GTF3C1: variants seen among roughly 807,000 people sequenced by gnomAD.
GTF3C1 encodes the protein general transcription factor IIIC subunit 1, also known as general transcription factor 3C polypeptide 1.
GTF3C1 carries 57 observed loss-of-function variants against 226.7 expected under a neutral mutation model. The observed-to-expected ratio is 0.25, with a 90% CI of 0.20 to 0.31. The LOEUF (loss-of-function observed/expected upper bound fraction) is 0.31. Ranked by LOEUF, GTF3C1 falls within the 10% of genes least tolerant of loss-of-function variation. The probability of loss-of-function intolerance (pLI) is 1.00; values close to 1 mark genes in which losing one functional copy is unlikely to be tolerated. For missense variants in GTF3C1, 2,217 were observed against 2,776.1 expected, an observed-to-expected ratio of 0.80 and a Z score of 4.53; for synonymous variants, 1,090 against 1,084.8, an observed-to-expected ratio of 1.00 and a Z score of -0.09.
chr16:27,533,633 A>G (rs570617446), intron 4 of GTF3C1, among the ~76,000 whole-genome samples: 1 of 152,336 alleles, frequency 6.6e-6, no homozygotes, highest in East Asian at 1.9e-4. Flanking sequence ...ACTAGACTCT[A>G]GCACTAAAAC....
chr16:27,466,112 G>GA (rs2087783199), intron 32 of GTF3C1: 1 of 156,592 alleles, frequency 6.4e-6, no homozygotes, highest in African/African-American at 2.4e-5. Context: ...CTGTGGTTAT[G>GA]AAATGTACAG....
chr16:27,532,517 A>G (rs774494460), intron 5 of GTF3C1, among the ~76,000 whole-genome samples: 2 of 152,126 alleles, frequency 1.3e-5, no homozygotes, highest in Non-Finnish European at 2.9e-5. Flanking sequence ...GAAACCTTCC[A>G]GTCAGATTGG....
intron 2 of GTF3C1, among the ~76,000 whole-genome samples, chr16:27,539,004 C>CTTT (rs899984965): frequency 3.8e-5 from 4 of 103,912 alleles, no homozygotes; most frequent in East Asian, 3.1e-4. Context: ...ACACACTCAT[C>CTTT]TTTTTTTTTT....
chr16:27,509,614 C>T (rs1266231655), intron 7 of GTF3C1, among the ~76,000 whole-genome samples: 6 of 151,608 alleles, frequency 4.0e-5, no homozygotes, highest in African/African-American at 7.3e-5. Flanking sequence ...AAAAATTAGC[C>T]GGGTGTGGTG....
intron 29 of GTF3C1, among the ~76,000 whole-genome samples, chr16:27,472,968 G>A (rs946639631): frequency 6.6e-6 from 1 of 152,140 alleles, no homozygotes; most frequent in Non-Finnish European, 1.5e-5. Flanking sequence ...CCAGGCTGGA[G>A]TACAGTGACA....
chr16:27,534,775 TTCTC>T (rs1177404515), intron 4 of GTF3C1, among the ~76,000 whole-genome samples: 2 of 152,222 alleles, frequency 1.3e-5, no homozygotes, highest in African/African-American at 2.4e-5. Flanking sequence ...TAAAAGATGC[TTCTC>T]TCTAATACTG....
At position 27,483,125 on chromosome 16, in the gene GTF3C1, T is replaced by A; in HGVS notation, c.4002A>T (p.Lys1334Asn). Reference sequence around the variant, plus strand: ...CCTGGTACACCTCGGCCAGGCACACTCTGCAGGAAGAGGAGACAAAGCTGA... The same window carrying A: ...CCTGGTACACCTCGGCCAGGCACACACTGCAGGAAGAGGAGACAAAGCTGA... Reference protein sequence around the residue: ...VKNPQAYLNYKVCLAEVYQDK... With the variant: ...VKNPQAYLNYNVCLAEVYQDK... Residue 1334 changes from lysine (K) to asparagine (N), a missense_variant and splice_region_variant, in exon 26 of 37, where the codon AAA becomes AAT. Lys to Asn is a moderately conservative substitution (Grantham distance 94, BLOSUM62 0). Around this residue, in one of 12 missense-constraint regions of GTF3C1, gnomAD observed 546 missense variants for 663.0 expected, o/e 0.82. Coordinates refer to ENST00000356183, the MANE Select transcript of GTF3C1 (RefSeq NM_001520.4). 1 of 1,614,050 alleles carries A rather than the reference T, an allele frequency of 6.2e-7. No individual in the cohort carries two copies. The highest frequency in any genetic ancestry group is 8.5e-7 in the Non-Finnish European group (1 of 1,179,896).
rs1314115174 is a variant in GTF3C1, at chr16:27,489,115, G to C, written c.3357C>G (p.Leu1119=). 1 of 1,613,798 alleles carries C rather than the reference G, an allele frequency of 6.2e-7. No homozygotes were observed. Among genetic ancestry groups the C allele is most frequent in the East Asian group, 2.2e-5 (1 of 44,878 alleles). Residue 1119 remains leucine (L), a synonymous_variant, in exon 21 of 37, where the codon CTC becomes CTG. Coordinates refer to ENST00000356183, the MANE Select transcript of GTF3C1 (RefSeq NM_001520.4). ...IPGDGLGAAG[L]DSSFYGHLKR... The stretch of plus-strand genomic sequence containing the variant: ...TGAGGTGTCCGTAGAAGCTGGAATC[G>C]AGCCCTGCGGCACCCAGCCCATCTC...
intron 12 of GTF3C1, among the ~76,000 whole-genome samples, chr16:27,499,080 C>G (rs951410795): frequency 1.8e-4 from 27 of 152,186 alleles, no homozygotes; most frequent in South Asian, 1.0e-3. Context: ...CTCCGTGCCC[C>G]CTTCCCACTA....
At chr16:27,539,004 C>CTT (rs899984965) in intron 2 of GTF3C1, among the ~76,000 whole-genome samples, 35 of 103,876 alleles carry the variant, frequency 3.4e-4, no homozygotes, top group African/African-American at 8.2e-4. Flanking sequence ...ACACACTCAT[C>CTT]TTTTTTTTTT....
At chr16:27,479,613 C>A (rs2088007799) in intron 27 of GTF3C1, among the ~76,000 whole-genome samples, 1 of 152,134 alleles carries the variant, frequency 6.6e-6, no homozygotes, top group African/African-American at 2.4e-5. Context: ...GGATTACAGG[C>A]ACGTGCCACC....
chr16:27,546,835 C>T (rs147259712), intron 1 of GTF3C1, among the ~76,000 whole-genome samples: 1,650 of 152,046 alleles, frequency 0.011, 46 homozygotes, highest in African/African-American at 0.037. Flanking sequence ...GGCGCAATCT[C>T]GGCTCACTGC....
Position 27,462,636 on chromosome 16 carries a change from T to C in GTF3C1, c.5925-150A>G, listed in dbSNP as rs914841756. On this transcript the variant is annotated intron_variant, in intron 35 of 36. Transcript: ENST00000356183. This position sits in a 1 kb window ranked among gnomAD's most constrained non-coding sequence, Gnocchi z 4.5. ...CTTGCTCTCTGCTTTCCAAACTCCC[T>C]GCTTCTCTCCTGTCTGGACAGAGGG... 39 of 626,590 alleles carry C rather than the reference T, an allele frequency of 6.2e-5. No individual in the cohort carries two copies. Among genetic ancestry groups the C allele is most frequent in the Admixed American group, 1.9e-4 (7 of 37,478 alleles). 38.8% of individuals were successfully genotyped at this position (626,590 alleles called of 1,614,324 possible).
At chr16:27,532,471 C>G (rs2088931598) in intron 5 of GTF3C1, among the ~76,000 whole-genome samples, 1 of 152,188 alleles carries the variant, frequency 6.6e-6, no homozygotes, top group African/African-American at 2.4e-5. Flanking sequence ...TTGTTTTCCT[C>G]CCATCTCTAA....
chr16:27,481,104 C>G lies in GTF3C1; in HGVS notation c.4171G>C (p.Asp1391His). The part of the protein sequence containing the change: ...ALRNSNLEIP[D>H]TLQELFARYR... ...CTGGCGAACAGCTCCTGGAGTGTGT[C>G]TGGGATTTCAAGGTTAGAATTCCTT... The change falls in exon 27 of 37, where the codon GAC (aspartate) becomes CAC (histidine). Residue 1391 changes from aspartate to histidine, a missense_variant. Coordinates refer to ENST00000356183, the MANE Select transcript of GTF3C1 (RefSeq NM_001520.4). 6.2e-7 allele frequency: 1 copy of G among 1,614,168 alleles called. No homozygotes were observed. Among genetic ancestry groups the G allele is most frequent in the Non-Finnish European group, 8.5e-7 (1 of 1,180,004 alleles).
Position 27,495,390 on chromosome 16 carries a change from T to G in GTF3C1, c.2453A>C (p.Asn818Thr). 1 of 1,614,142 alleles carries G rather than the reference T, an allele frequency of 6.2e-7. No homozygotes were observed. Among genetic ancestry groups the G allele is most frequent in the South Asian group, 1.1e-5 (1 of 91,080 alleles). ...WYLIYGHPAS[N>T]TVEKPSFISE... ...GATGAAGCTTGGCTTCTCCACGGTGTTGCTGGCAGGGTGCCCGTAGATGAG... is the reference window on the plus strand; with the variant it reads ...GATGAAGCTTGGCTTCTCCACGGTGGTGCTGGCAGGGTGCCCGTAGATGAG... Residue 818 changes from asparagine (N) to threonine (T), a missense_variant, in exon 15 of 37, where the codon AAC becomes ACC. Physicochemically the swap from Asn to Thr is moderately conservative, Grantham distance 65 (BLOSUM62 0). Coordinates refer to ENST00000356183, the MANE Select transcript of GTF3C1 (RefSeq NM_001520.4).
chr16:27,538,308 C>A lies in GTF3C1; in HGVS notation c.480G>T (p.Arg160Ser). The A allele has an allele frequency of 6.2e-7, 1 of 1,604,888 alleles. No individual in the cohort carries two copies. Among genetic ancestry groups the A allele is most frequent in the East Asian group, 2.2e-5 (1 of 44,738 alleles). ...GATCCCCCTCCTGGCCTATCAAGGC[C>A]CTGTACCGCATGGCCTGGGAGGCAA... ...IIVASQAMRYRALIGQEGDPD... is the reference protein window; with the variant it reads ...IIVASQAMRYSALIGQEGDPD... Residue 160 changes from arginine to serine, a missense_variant, in exon 3 of 37, where the codon AGG becomes AGT. By Grantham distance (110) the Arg-to-Ser change is moderately radical. This residue lies in a region of GTF3C1 where 192 missense variants were observed against 251.8 expected (regional missense o/e 0.76). Coordinates refer to ENST00000356183, the MANE Select transcript of GTF3C1 (RefSeq NM_001520.4).
At chr16:27,549,000 A>T (rs2089219767) in intron 1 of GTF3C1, among the ~76,000 whole-genome samples, 1 of 152,126 alleles carries the variant, frequency 6.6e-6, no homozygotes, top group East Asian at 1.9e-4. Flanking sequence ...CTAAAAATGC[A>T]AAAATTAGCC....
Position 27,511,814 on chromosome 16 carries a change from G to A in GTF3C1, c.1061C>T (p.Ser354Phe). Residue 354 changes from serine (S) to phenylalanine (F), a missense_variant, in exon 7 of 37, where the codon TCC (serine) becomes TTC (phenylalanine). Coordinates refer to ENST00000356183, the MANE Select transcript of GTF3C1 (RefSeq NM_001520.4). ...AATGTCCACTGGAGGCACTGTCTTG[G>A]AGATGACCTCCTCGTCCTCGTCATC... ...HDDDEDEEVI[S>F]KTVPPVDIVF... 6.2e-7 allele frequency: 1 copy of A among 1,614,140 alleles called. No homozygotes were observed.
Sources: gnomAD v4.1 joint callset for allele counts (sites outside exome capture counted in the v4.1 genomes callset) on GRCh38, gnomAD v4.1.1 for gene constraint, gnomAD v4.1.1 regional missense constraint, Gnocchi (gnomAD v3.1) non-coding constraint, MANE v1.5 for transcripts, NCBI Gene and HGNC (gene_info 2026-07-23, HGNC 2026-07-21) for gene names.